The following FAM185A variants were observed in gnomAD, a reference collection of about 807,000 sequenced individuals.
The protein encoded by FAM185A is protein FAM185A.
FAM185A carries 21 observed loss-of-function variants against 45.7 expected under a neutral mutation model. That is an observed-to-expected ratio of 0.46 (90% CI 0.33 to 0.66). FAM185A has a LOEUF of 0.66. Among genes scored for constraint, FAM185A ranks in the 30% least tolerant of loss-of-function variants. The probability of loss-of-function intolerance (pLI) is 0.03; values close to 1 mark genes in which losing one functional copy is unlikely to be tolerated. For synonymous variants in FAM185A, 117 were observed against 194.0 expected (o/e 0.60, Z 3.30); for missense variants, 305 against 485.4 (o/e 0.63, Z 3.49).
the FAM185A span, among the ~76,000 whole-genome samples, chr7:102,823,748 A>C: frequency 5.9e-5 from 9 of 152,238 alleles, no homozygotes; most frequent in Non-Finnish European, 7.3e-5. Flanking sequence ...CTCTTGTTTT[A>C]ACATAAAGTT....
the FAM185A span, among the ~76,000 whole-genome samples, chr7:102,834,110 G>GA: frequency 0.018 from 2,038 of 112,602 alleles, 114 homozygotes; most frequent in East Asian, 0.1. Context: ...AAGAAAGAAA[G>GA]AAAGAAAGAA....
chr7:102,832,113 G>C, the FAM185A span, among the ~76,000 whole-genome samples: 5 of 152,294 alleles, frequency 3.3e-5, no homozygotes, highest in East Asian at 9.6e-4. Flanking sequence ...TGTCCAGGTG[G>C]TGACAGGACA....
At chr7:102,794,035 C>CAAAAAAA (rs765672577) in intron 7 of FAM185A, among the ~76,000 whole-genome samples, 14 of 60,542 alleles carry the variant, frequency 2.3e-4, no homozygotes, top group East Asian at 9.1e-4. Context: ...GACTCTGTCT[C>CAAAAAAA]AAAAAAAAAA....
the FAM185A span, among the ~76,000 whole-genome samples, chr7:102,833,655 C>T: frequency 6.6e-6 from 1 of 151,006 alleles, no homozygotes; most frequent in African/African-American, 2.4e-5. Flanking sequence ...TGGTCTTGAA[C>T]TCCTGACCTC....
the FAM185A span, chr7:102,833,065 C>A: frequency 1.5e-6 from 2 of 1,331,174 alleles, no homozygotes; most frequent in Admixed American, 2.3e-5. Context: ...ACATTTCAGT[C>A]CCTGAAATAC....
intron 7 of FAM185A, 96 bp from the exon 8 acceptor site, chr7:102,808,194 T>G: frequency 1.3e-6 from 1 of 782,358 alleles, no homozygotes; most frequent in South Asian, 1.6e-5. Flanking sequence ...AGATTCTTGA[T>G]GTTCTAAGGT....
chr7:102,795,094 A>G (rs1345990309), intron 7 of FAM185A, among the ~76,000 whole-genome samples: 3 of 152,242 alleles, frequency 2.0e-5, no homozygotes, highest in African/African-American at 7.2e-5. Flanking sequence ...ATGGTTATAT[A>G]TGAATCTATA....
intron 7 of FAM185A, among the ~76,000 whole-genome samples, chr7:102,798,915 T>G (rs1229974308): frequency 1.3e-5 from 2 of 152,148 alleles, no homozygotes; most frequent in East Asian, 1.9e-4. Context: ...GCCCAGCTAA[T>G]TTTTGTATTT....
intron 6 of FAM185A, among the ~76,000 whole-genome samples, chr7:102,781,548 G>A (rs938819042): frequency 2.0e-5 from 3 of 152,080 alleles, no homozygotes; most frequent in Non-Finnish European, 4.4e-5. Flanking sequence ...CCAGGCAAAC[G>A]GTCTGGAGTA....
At chr7:102,775,666 T>A (rs1381919905) in intron 5 of FAM185A, among the ~76,000 whole-genome samples, 1 of 152,184 alleles carries the variant, frequency 6.6e-6, no homozygotes, top group African/African-American at 2.4e-5. Context: ...GTGTGTTTTT[T>A]TTCCCTCCTT....
the FAM185A span, among the ~76,000 whole-genome samples, chr7:102,829,980 C>A: frequency 1.3e-5 from 2 of 152,176 alleles, no homozygotes; most frequent in African/African-American, 4.8e-5. Context: ...CACAGTCTGA[C>A]CAGAACAATT....
the FAM185A span, among the ~76,000 whole-genome samples, chr7:102,820,381 T>A: frequency 6.6e-6 from 1 of 152,384 alleles, no homozygotes; most frequent in South Asian, 2.1e-4. Context: ...TTTTCACAGC[T>A]ATAGCTGGTT....
chr7:102,797,486 CA>C, intron 7 of FAM185A, among the ~76,000 whole-genome samples: 1 of 152,014 alleles, frequency 6.6e-6, no homozygotes, highest in Non-Finnish European at 1.5e-5. Context: ...AAAAAACAAA[CA>C]AAAAAGAACG....
chr7:102,752,534 T>C (rs111561369), intron 2 of FAM185A, among the ~76,000 whole-genome samples: 5,466 of 151,938 alleles, frequency 0.036, 105 homozygotes, highest in African/African-American at 0.058. Flanking sequence ...CCTCCCAAAG[T>C]GCTAGGATTA....
At chr7:102,784,869 A>G (rs921073648) in intron 6 of FAM185A, among the ~76,000 whole-genome samples, 1 of 152,234 alleles carries the variant, frequency 6.6e-6, no homozygotes, top group African/African-American at 2.4e-5. Flanking sequence ...AGGGTATTCA[A>G]TTAGGAATAG....
At chr7:102,834,293 T>C in the FAM185A span, among the ~76,000 whole-genome samples, 1 of 149,912 alleles carries the variant, frequency 6.7e-6, no homozygotes, top group Admixed American at 6.6e-5. Flanking sequence ...CCTCAGTAAA[T>C]GGTAGTTTAC....
chr7:102,838,687 C>T, the FAM185A span, among the ~76,000 whole-genome samples: 3 of 152,140 alleles, frequency 2.0e-5, no homozygotes, highest in Non-Finnish European at 4.4e-5. Context: ...CAAGGTTTAA[C>T]GGATCTAGGG....
chr7:102,797,111 G>A (rs1796478241), intron 7 of FAM185A, among the ~76,000 whole-genome samples: 1 of 152,184 alleles, frequency 6.6e-6, no homozygotes, highest in Admixed American at 6.5e-5. Flanking sequence ...TTATCTGGAA[G>A]ATTTCTTGTC....
chr7:102,837,307 A>T, the FAM185A span, among the ~76,000 whole-genome samples: 1 of 152,338 alleles, frequency 6.6e-6, no homozygotes, highest in East Asian at 1.9e-4. Context: ...CAGGCTGAGC[A>T]AGGCTTAGCA....
Sources: gnomAD v4.1 joint callset for allele counts (sites outside exome capture counted in the v4.1 genomes callset) on GRCh38, gnomAD v4.1.1 for gene constraint, MANE v1.5 for transcripts, NCBI Gene and HGNC (gene_info 2026-07-23, HGNC 2026-07-21) for gene names.